The following GNAO1 variants were observed in gnomAD, a reference collection of about 807,000 sequenced individuals.
GNAO1 encodes guanine nucleotide-binding protein G(o) subunit alpha.
For synonymous variants in GNAO1, 164 were observed against 180.7 expected (o/e 0.91, Z 0.74); for missense variants, 166 against 478.7 (o/e 0.35, Z 6.10).
intron 2 of GNAO1, among the ~76,000 whole-genome samples, chr16:56,213,084 A>G (rs932260485): frequency 6.6e-6 from 1 of 152,246 alleles, no homozygotes; most frequent in African/African-American, 2.4e-5. Flanking sequence ...CAGCTAAGCC[A>G]GGCCAGACCC....
At chr16:56,345,058 CT>C (rs143830815) in intron 6 of GNAO1, 12,616 of 985,466 alleles carry the variant, frequency 0.013, 82 homozygotes, top group Non-Finnish European at 0.014. Flanking sequence ...ACACACCCCC[CT>C]GTCCCCAACT....
intron 2 of GNAO1, among the ~76,000 whole-genome samples, chr16:56,248,526 A>G (rs1417699602): frequency 6.6e-6 from 1 of 152,196 alleles, no homozygotes; most frequent in Non-Finnish European, 1.5e-5. Flanking sequence ...AGCTTCCAGG[A>G]TGGAAAGAGA....
chr16:56,223,049 A>G (rs2036505255), intron 2 of GNAO1, among the ~76,000 whole-genome samples: 1 of 152,194 alleles, frequency 6.6e-6, no homozygotes, highest in Admixed American at 6.5e-5. Flanking sequence ...AATTGGCCAC[A>G]GATTTTGTGG....
At chr16:56,239,911 G>A (rs1347213973) in intron 2 of GNAO1, among the ~76,000 whole-genome samples, 1 of 152,212 alleles carries the variant, frequency 6.6e-6, no homozygotes, top group Non-Finnish European at 1.5e-5. Context: ...GGGGTAGGGG[G>A]TGCAGGTCTC....
intron 3 of GNAO1, among the ~76,000 whole-genome samples, chr16:56,317,642 T>C (rs907920920): frequency 6.6e-6 from 1 of 151,874 alleles, no homozygotes; most frequent in African/African-American, 2.4e-5. Context: ...GATGGGTAGA[T>C]GATGTATAGA....
At chr16:56,301,447 C>T (rs2037342752) in intron 3 of GNAO1, among the ~76,000 whole-genome samples, 1 of 152,166 alleles carries the variant, frequency 6.6e-6, no homozygotes, top group African/African-American at 2.4e-5. Flanking sequence ...AGCCCTGGGC[C>T]CCCTTTTTCC....
At chr16:56,262,972 T>A (rs2036917594) in intron 2 of GNAO1, among the ~76,000 whole-genome samples, 1 of 152,212 alleles carries the variant, frequency 6.6e-6, no homozygotes, top group Non-Finnish European at 1.5e-5. Flanking sequence ...TTTTGGATTT[T>A]CCTGGAAATA....
intron 2 of GNAO1, among the ~76,000 whole-genome samples, chr16:56,247,519 A>T (rs1323499687): frequency 1.5e-5 from 2 of 136,874 alleles, no homozygotes; most frequent in East Asian, 2.1e-4. Flanking sequence ...CTAATCTCAC[A>T]TACTGGATTA....
rs771620039 is a variant in GNAO1, at chr16:56,341,018, C to T, written c.723+4158C>T. 9 of 1,595,314 alleles carry T rather than the reference C, an allele frequency of 5.6e-6. No individual in the cohort carries two copies. The South Asian group carries it at 7.9e-5, about 14-fold the overall frequency. ...GACCCCTCCAGGGACAGCAGGCCCC[C>T]GAGGGAGCGGGCCCCGTTCCCAAAG... On this transcript the variant is annotated intron_variant, in intron 6 of 8. Coordinates refer to ENST00000262493, the MANE Select transcript of GNAO1 (RefSeq NM_020988.3).
chr16:56,334,182 C>T (rs2037718291), intron 4 of GNAO1, among the ~76,000 whole-genome samples: 1 of 152,190 alleles, frequency 6.6e-6, no homozygotes, highest in Non-Finnish European at 1.5e-5. Flanking sequence ...CACACAGACC[C>T]CTTGGTAAGT....
intron 6 of GNAO1, among the ~76,000 whole-genome samples, chr16:56,350,410 C>G (rs2037909571): frequency 6.6e-6 from 1 of 152,158 alleles, no homozygotes; most frequent in Non-Finnish European, 1.5e-5. Context: ...TGGATTCGTT[C>G]ACAGAGAAAG....
intron 4 of GNAO1, among the ~76,000 whole-genome samples, chr16:56,330,546 C>T (rs2037678742): frequency 6.6e-6 from 1 of 152,146 alleles, no homozygotes; most frequent in Admixed American, 6.5e-5. Context: ...CCCCCACCAG[C>T]CCTGCCCCTC....
At chr16:56,347,883 CT>C in intron 6 of GNAO1, 2 of 976,562 alleles carry the variant, frequency 2.0e-6, no homozygotes, top group Non-Finnish European at 2.4e-6. Flanking sequence ...TCCGCTGGTT[CT>C]GACCCATCCC....
intron 3 of GNAO1, chr16:56,302,246 A>AC (rs2037352738): frequency 6.6e-6 from 1 of 152,072 alleles, no homozygotes; most frequent in African/African-American, 2.4e-5. Flanking sequence ...GGGTTTCGAC[A>AC]CACCCCCCCA....
At chr16:56,325,967 A>T (rs2037627982) in intron 3 of GNAO1, among the ~76,000 whole-genome samples, 1 of 152,172 alleles carries the variant, frequency 6.6e-6, no homozygotes, top group Non-Finnish European at 1.5e-5. Context: ...GAAAGACTAC[A>T]GGTGGCCCAG....
At chr16:56,263,287 T>C (rs1335425750) in intron 2 of GNAO1, among the ~76,000 whole-genome samples, 2 of 152,206 alleles carry the variant, frequency 1.3e-5, no homozygotes. Context: ...GGAGCCCTCA[T>C]TTTAGAGCCA....
rs569822515 is a variant in GNAO1, at chr16:56,321,129, G to A, written c.304-7502G>A. Among the ~76,000 whole-genome samples the A allele has an allele frequency of 4.6e-5, 7 of 152,250 alleles. No homozygotes were observed. In the South Asian group the frequency reaches 1.0e-3, roughly 23 times the overall value. On this transcript the variant is annotated intron_variant, in intron 3 of 8. Transcript: ENST00000262493. ...AGCCAGTGGCGCTGCAGGAATGGGA[G>A]GGGGTCTTCCTGCAGGAGGTAGGCC...
intron 6 of GNAO1, among the ~76,000 whole-genome samples, chr16:56,350,461 A>G (rs1431595769): frequency 6.6e-6 from 1 of 152,194 alleles, no homozygotes; most frequent in Non-Finnish European, 1.5e-5. Context: ...TGCCCAAGTG[A>G]ATGAGCTCAG....
At chr16:56,323,194 G>A (rs1245293808) in intron 3 of GNAO1, among the ~76,000 whole-genome samples, 1 of 152,216 alleles carries the variant, frequency 6.6e-6, no homozygotes, top group Non-Finnish European at 1.5e-5. Context: ...AGGATGTCAG[G>A]ACAGAGAGGC....
Sources: gnomAD v4.1 joint callset for allele counts (sites outside exome capture counted in the v4.1 genomes callset) on GRCh38, gnomAD v4.1.1 for gene constraint, MANE v1.5 for transcripts, NCBI Gene and HGNC (gene_info 2026-07-23, HGNC 2026-07-21) for gene names.